The following GPRIN3 variants were observed in gnomAD, a reference collection of about 807,000 sequenced individuals.
The protein encoded by GPRIN3 is GPRIN family member 3.
In GPRIN3, 12 loss-of-function variants were observed where a neutral mutation model predicts 13.7. The ratio of observed to expected loss-of-function variants is 0.87; its 90% CI spans 0.56 to 1.42. GPRIN3 has a LOEUF of 1.42. Ranked by LOEUF, GPRIN3 falls within the 40% of genes most tolerant of loss-of-function variation. GPRIN3 has a pLI of 0.00. For synonymous variants in GPRIN3, 377 were observed against 372.7 expected (o/e 1.01, Z -0.13); for missense variants, 1,009 against 958.7 (o/e 1.05, Z -0.69).
At chr4:89,286,984 A>G (rs764275277) in intron 1 of GPRIN3, among the ~76,000 whole-genome samples, 28 of 152,200 alleles carry the variant, frequency 1.8e-4, no homozygotes, top group Non-Finnish European at 3.4e-4. Context: ...TCTGGGTAAC[A>G]TAAGAAGACC....
chr4:89,270,787 T>G (rs1050847891), intron 1 of GPRIN3, among the ~76,000 whole-genome samples: 1 of 151,168 alleles, frequency 6.6e-6, no homozygotes, highest in Non-Finnish European at 1.5e-5. Flanking sequence ...AAGGTACACA[T>G]AGGAGAAACA....
chr4:89,297,317 T>C (rs1013003410), intron 1 of GPRIN3, among the ~76,000 whole-genome samples: 1 of 152,200 alleles, frequency 6.6e-6, no homozygotes, highest in South Asian at 2.1e-4. Flanking sequence ...TAGATGGATA[T>C]ATATGGAGAC....
At chr4:89,284,977 T>G (rs115641490) in intron 1 of GPRIN3, among the ~76,000 whole-genome samples, 14 of 152,282 alleles carry the variant, frequency 9.2e-5, no homozygotes, top group Non-Finnish European at 1.8e-4. Context: ...CCTTTTGAGA[T>G]ATCTTTTCAG....
rs1482308406 is a variant in GPRIN3 at position 89,247,488 on chromosome 4, T to C, written c.*292A>G. 1 of 319,186 alleles carries C rather than the reference T, an allele frequency of 3.1e-6. No individual in the cohort carries two copies. The highest frequency in any genetic ancestry group is 5.7e-6 in the Non-Finnish European group (1 of 175,282). 19.8% of individuals were successfully genotyped at this position (319,186 alleles called of 1,614,324 possible). On this transcript the variant is annotated 3_prime_UTR_variant, in exon 2 of 2. Transcript: ENST00000609438. ...TAATGATACAATAATGCTATTTCTA[T>C]GAACAACATCATATTTTTAAAAACC...
At chr4:89,257,027 A>G (rs936941876) in intron 1 of GPRIN3, among the ~76,000 whole-genome samples, 2 of 152,192 alleles carry the variant, frequency 1.3e-5, no homozygotes, top group African/African-American at 2.4e-5. Flanking sequence ...TTCTTTCTTT[A>G]AAAACATCAT....
intron 1 of GPRIN3, among the ~76,000 whole-genome samples, chr4:89,286,461 CTT>C (rs1442630058): frequency 1.3e-5 from 2 of 152,098 alleles, no homozygotes; most frequent in African/African-American, 4.8e-5. Context: ...TACACTGTGT[CTT>C]TATCACAGCT....
intron 1 of GPRIN3, among the ~76,000 whole-genome samples, chr4:89,304,739 C>T (rs1199724265): frequency 6.6e-6 from 1 of 152,110 alleles, no homozygotes; most frequent in African/African-American, 2.4e-5. Context: ...CAAATAAATA[C>T]TTAGAATATA....
chr4:89,249,719 T>C lies in GPRIN3; in HGVS notation c.392A>G (p.Asn131Ser), dbSNP rs368516781. 7.4e-6 allele frequency: 12 copies of C among 1,614,030 alleles called. No homozygotes were observed. In the Admixed American group the frequency reaches 1.3e-4, roughly 18 times the overall value. ...TGGGATGGACTGGCAGGTGTGCTGA[T>C]TGGCGGGCATTGTCAATGGTGTGTG... ...LIHTPLTMPA[N>S]QHTCQSIPGD... The change falls in exon 2 of 2, where the codon AAT (asparagine) becomes AGT (serine). Residue 131 changes from asparagine (N) to serine (S), a missense_variant. Asn to Ser is a conservative substitution (Grantham distance 46). Transcript: ENST00000609438.
In GPRIN3 at chr4:89,249,994, G is replaced by A. The variant is rs534376091; in HGVS notation, c.117C>T (p.Leu39=). 1.2e-6 allele frequency: 2 copies of A among 1,614,230 alleles called. No individual in the cohort carries two copies. The highest frequency in any genetic ancestry group is 1.7e-5 in the Admixed American group (1 of 60,034). ...AAAAGCCATTGGCATTCTTACACAG[G>A]AGAGCTGGTCGATGCCGAGGTGAGG... ...QAASPRHRPA[L]LCKNANGFSG... The change falls in exon 2 of 2, where the codon CTC becomes CTT. Residue 39 remains leucine (L), a synonymous_variant. Coordinates refer to ENST00000609438, the MANE Select transcript of GPRIN3 (RefSeq NM_198281.3).
At chr4:89,250,682 TAATC>T (rs1388700291) in intron 1 of GPRIN3, 1 of 152,128 alleles carries the variant, frequency 6.6e-6, no homozygotes, top group African/African-American at 2.4e-5. Flanking sequence ...AATGGGGACT[TAATC>T]TATGACAAAA....
rs185111192 is a variant in GPRIN3 at position 89,283,210 on chromosome 4, A to G, written c.-124+24405T>C. Among the ~76,000 whole-genome samples, 7 of 152,314 alleles carry G rather than the reference A, an allele frequency of 4.6e-5. No homozygotes were observed. In the East Asian group the frequency reaches 1.2e-3, roughly 25 times the overall value. On this transcript the variant is annotated intron_variant, in intron 1 of 1. Transcript: ENST00000609438. ...TAGGCCTATGTAGCACAAACATTAA[A>G]CATTACTTTTTAGGCTATCCCAAAT... is the stretch of plus-strand genomic sequence containing the variant.
Position 89,299,258 on chromosome 4 carries a change from A to C in GPRIN3, c.-124+8357T>G, listed in dbSNP as rs558722439. On this transcript the variant is annotated intron_variant, in intron 1 of 1. Coordinates refer to ENST00000609438, the MANE Select transcript of GPRIN3 (RefSeq NM_198281.3). Reference sequence around the variant, plus strand: ...GGCACTGTGTCCTCTGTTAGTTTCGATTGGTACTATTCTCGGCACTGTCTT... The same window carrying C: ...GGCACTGTGTCCTCTGTTAGTTTCGCTTGGTACTATTCTCGGCACTGTCTT... Among the ~76,000 whole-genome samples the C allele has an allele frequency of 2.0e-4, 30 of 152,206 alleles. No individual in the cohort carries two copies. In the East Asian group the frequency reaches 5.8e-3, roughly 29 times the overall value.
In GPRIN3 at chr4:89,246,820, T is replaced by C. The variant is rs546443596; in HGVS notation, c.*960A>G. The stretch of plus-strand genomic sequence containing the variant: ...TTTGTTACTTATGAGGCTTTTATCA[T>C]CACAGAAAAAGCAGTGTTTGGTAAT... On this transcript the variant is annotated 3_prime_UTR_variant, in exon 2 of 2. Coordinates refer to ENST00000609438, the MANE Select transcript of GPRIN3 (RefSeq NM_198281.3). 23 of 152,298 alleles carry C rather than the reference T, an allele frequency of 1.5e-4. No individual in the cohort carries two copies. Among genetic ancestry groups the C allele is most frequent in the Admixed American group, 8.5e-4 (13 of 15,298 alleles). 9.4% of individuals were successfully genotyped at this position (152,298 alleles called of 1,614,324 possible). A position where few individuals can be genotyped will look rare whatever the true frequency, so the allele number is the denominator to read the frequency against.
At chr4:89,273,024 T>C (rs1353669016) in intron 1 of GPRIN3, among the ~76,000 whole-genome samples, 3 of 152,214 alleles carry the variant, frequency 2.0e-5, no homozygotes, top group Admixed American at 1.3e-4. Context: ...CATTTTTTTT[T>C]GTAGATCATT....
intron 1 of GPRIN3, among the ~76,000 whole-genome samples, chr4:89,272,183 G>A (rs774923275): frequency 3.3e-5 from 5 of 152,164 alleles, no homozygotes; most frequent in Non-Finnish European, 7.4e-5. Context: ...ACAGAGTAAC[G>A]GGTTATGGAG....
At chr4:89,298,470 G>A (rs2110023866) in intron 1 of GPRIN3, among the ~76,000 whole-genome samples, 1 of 152,138 alleles carries the variant, frequency 6.6e-6, no homozygotes, top group African/African-American at 2.4e-5. Flanking sequence ...TTAGGACAGA[G>A]GAGGGACCCA....
Position 89,265,885 on chromosome 4 carries a change from A to G in GPRIN3, c.-123-15652T>C, listed in dbSNP as rs147915054. On this transcript the variant is annotated intron_variant, in intron 1 of 1. Transcript: ENST00000609438. ...AACAATGTAATATAGTTTGTAACTA[A>G]AATGATAAGATATGACAATTTTTAA... 1.8e-3 allele frequency among the ~76,000 whole-genome samples: 268 copies of G among 152,360 alleles called. 2 individuals are homozygous for G. Among genetic ancestry groups the G allele is most frequent in the Non-Finnish European group, 2.8e-3 (193 of 68,038 alleles).
intron 1 of GPRIN3, among the ~76,000 whole-genome samples, chr4:89,254,885 C>A (rs1050201266): frequency 6.6e-6 from 1 of 152,114 alleles, no homozygotes; most frequent in African/African-American, 2.4e-5. Flanking sequence ...AGAGATCTTT[C>A]ATAAAAATCC....
chr4:89,268,210 A>T (rs1373387665), intron 1 of GPRIN3, among the ~76,000 whole-genome samples: 2 of 152,234 alleles, frequency 1.3e-5, no homozygotes, highest in African/African-American at 2.4e-5. Context: ...CCACAGGTAG[A>T]GTGATCAACT....
Sources: allele counts gnomAD v4.1 joint callset (sites outside exome capture counted in the v4.1 genomes callset), GRCh38; gene constraint gnomAD v4.1.1; transcripts MANE v1.5; gene names NCBI Gene and HGNC (gene_info 2026-07-23, HGNC 2026-07-21).